FAM13A: variants seen among roughly 807,000 people sequenced by gnomAD.
FAM13A encodes family with sequence similarity 13 member A.
A neutral mutation model predicts 129.6 loss-of-function variants in FAM13A; 76 were observed. The ratio of observed to expected loss-of-function variants is 0.59; its 90% CI spans 0.49 to 0.71. FAM13A has a LOEUF of 0.71. Ranked by LOEUF, FAM13A falls within the 30% of genes least tolerant of loss-of-function variation. The pLI, the probability that FAM13A is intolerant of heterozygous loss-of-function variation, is 0.00. For synonymous variants in FAM13A, 443 were observed against 449.9 expected (o/e 0.98, Z 0.20); for missense variants, 1,108 against 1,249.3 (o/e 0.89, Z 1.70).
intron 5 of FAM13A, among the ~76,000 whole-genome samples, chr4:88,922,196 C>T (rs1359404583): frequency 7.9e-5 from 12 of 151,986 alleles, no homozygotes; most frequent in Admixed American, 3.9e-4. Context: ...CTGCACCAAG[C>T]GGACCTAATA....
At chr4:88,826,610 C>T (rs1025880758) in intron 7 of FAM13A, among the ~76,000 whole-genome samples, 2 of 152,122 alleles carry the variant, frequency 1.3e-5, no homozygotes, top group African/African-American at 4.8e-5. Context: ...AAAACAGAAC[C>T]TCTCTCACTC....
chr4:88,792,602 T>C (rs1041030895), intron 8 of FAM13A, among the ~76,000 whole-genome samples: 2 of 152,044 alleles, frequency 1.3e-5, no homozygotes, highest in African/African-American at 4.8e-5. Context: ...TTAACTCCTA[T>C]ACTCCACTTC....
rs1447616856 is a variant in FAM13A, at chr4:88,758,866, T to C, written c.1614A>G (p.Leu538=). The C allele has an allele frequency of 3.1e-6, 5 of 1,614,000 alleles. No homozygotes were observed. Among genetic ancestry groups the C allele is most frequent in the South Asian group, 1.1e-5 (1 of 91,070 alleles). ...GATTTCTCTGCTGTTTGGTGTCAGA[T>C]AGGCTGGGATGCTCCTGGATCTTCA... ...PTMKIQEHPS[L]SDTKQQRNQD... Residue 538 remains leucine, a synonymous_variant, in exon 14 of 24, where the codon CTA becomes CTG. Transcript: ENST00000264344.
Position 88,861,395 on chromosome 4 carries a change from A to C in FAM13A, c.844-10212T>G, listed in dbSNP as rs1012390909. ...GACTCCGTCTCAAAAAAAAAAAAAA[A>C]AAAACTAAACTAAACGAAATAATCC... On this transcript the variant is annotated intron_variant, in intron 6 of 23. Coordinates refer to ENST00000264344, the MANE Select transcript of FAM13A (RefSeq NM_014883.4). 3.9e-3 allele frequency among the ~76,000 whole-genome samples: 590 copies of C among 151,972 alleles called. 5 individuals carry two copies. The highest frequency in any genetic ancestry group is 0.014 in the African/African-American group (560 of 41,472).
intron 5 of FAM13A, among the ~76,000 whole-genome samples, chr4:88,931,678 G>C (rs1200895570): frequency 6.6e-6 from 1 of 152,026 alleles, no homozygotes; most frequent in African/African-American, 2.4e-5. Context: ...TTTAATCATT[G>C]CATTTTAAAA....
At chr4:88,880,764 C>T (rs886214831) in intron 6 of FAM13A, among the ~76,000 whole-genome samples, 4 of 4,122 alleles carry the variant, frequency 9.7e-4, no homozygotes, top group Admixed American at 3.1e-3. Flanking sequence ...AGAGCTGTTG[C>T]GGGTGGTGCG....
intron 7 of FAM13A, among the ~76,000 whole-genome samples, chr4:88,823,717 ATG>A (rs1732500217): frequency 6.6e-6 from 1 of 152,214 alleles, no homozygotes; most frequent in Admixed American, 6.5e-5. Flanking sequence ...GAAGGAAAGC[ATG>A]CCTCTAGACC....
At chr4:88,826,473 T>A (rs113115380) in intron 7 of FAM13A, among the ~76,000 whole-genome samples, 2,154 of 152,272 alleles carry the variant, frequency 0.014, 61 homozygotes, top group African/African-American at 0.049. Context: ...TCTCATAACT[T>A]GGTAACTAGT....
At chr4:88,945,990 G>GTGTATATATGTA in intron 4 of FAM13A, among the ~76,000 whole-genome samples, 1 of 61,966 alleles carries the variant, frequency 1.6e-5, no homozygotes, top group African/African-American at 8.6e-5. Flanking sequence ...GTGTGTGTGT[G>GTGTATATATGTA]TATATATATA....
At chr4:88,935,824 A>G (rs1316145260) in intron 5 of FAM13A, among the ~76,000 whole-genome samples, 3 of 152,208 alleles carry the variant, frequency 2.0e-5, no homozygotes, top group Non-Finnish European at 4.4e-5. Context: ...AATGATTTCC[A>G]TAACTTCTAT....
intron 7 of FAM13A, 114 bp from the exon 8 acceptor site, chr4:88,805,166 C>A: frequency 3.0e-6 from 2 of 657,938 alleles, no homozygotes; most frequent in Non-Finnish European, 2.8e-6. Context: ...AAGCCAATCA[C>A]ATGATGGAAT....
At chr4:88,830,107 T>A (rs1733644337) in intron 7 of FAM13A, among the ~76,000 whole-genome samples, 1 of 152,130 alleles carries the variant, frequency 6.6e-6, no homozygotes. Context: ...ATAACAAACT[T>A]CTTCTGCTAC....
At chr4:88,857,296 G>A (rs1309923652) in intron 6 of FAM13A, among the ~76,000 whole-genome samples, 2 of 152,124 alleles carry the variant, frequency 1.3e-5, no homozygotes, top group Middle Eastern at 3.4e-3. Flanking sequence ...GAAAAATCAC[G>A]CATAGATGAG....
At position 88,990,971 on chromosome 4, in the gene FAM13A, A is replaced by C. The variant is rs775255593; in HGVS notation, c.605+2T>G. On this transcript the variant is annotated splice_donor_variant, in intron 4 of 23. Transcript: ENST00000264344. LOFTEE classifies it high-confidence loss of function. ...ATTAACAGTAAAACTCCACTAACTT[A>C]CTGAAAGCAATTTGGCCCAAATACA... 2 of 1,612,596 alleles carry C rather than the reference A, an allele frequency of 1.2e-6. No homozygotes were observed. The highest frequency in any genetic ancestry group is 2.2e-5 in the South Asian group (2 of 90,994).
chr4:88,737,201 G>A (rs2602112), intron 21 of FAM13A, among the ~76,000 whole-genome samples: 66,915 of 151,946 alleles, frequency 0.44, 17,981 homozygotes, highest in African/African-American at 0.76. Flanking sequence ...CCCTGAAAGC[G>A]AAGTAAAAAC....
At chr4:88,993,182 A>C (rs1000813447) in intron 3 of FAM13A, among the ~76,000 whole-genome samples, 1 of 152,208 alleles carries the variant, frequency 6.6e-6, no homozygotes, top group Non-Finnish European at 1.5e-5. Context: ...CTATGACCTT[A>C]AATAGCAGGG....
At chr4:89,041,001 C>T (rs955384959) in intron 1 of FAM13A, among the ~76,000 whole-genome samples, 4 of 152,298 alleles carry the variant, frequency 2.6e-5, no homozygotes, top group Middle Eastern at 3.4e-3. Flanking sequence ...AGCTTTTGGA[C>T]CCTTGGTCTT....
At chr4:88,894,053 G>C (rs1426241267) in intron 6 of FAM13A, among the ~76,000 whole-genome samples, 1 of 152,174 alleles carries the variant, frequency 6.6e-6, no homozygotes, top group Non-Finnish European at 1.5e-5. Context: ...AGAAAAAGCA[G>C]TAACAACAAA....
At chr4:88,938,899 G>T (rs372650056) in intron 4 of FAM13A, among the ~76,000 whole-genome samples, 20 of 152,104 alleles carry the variant, frequency 1.3e-4, no homozygotes, top group African/African-American at 4.6e-4. Context: ...ACTATGTAAA[G>T]AACTCCTACT....
Sources: gnomAD v4.1 joint callset for allele counts (sites outside exome capture counted in the v4.1 genomes callset) on GRCh38, gnomAD v4.1.1 for gene constraint, MANE v1.5 for transcripts, NCBI Gene and HGNC (gene_info 2026-07-23, HGNC 2026-07-21) for gene names.